The following TRIM29 variants were observed in gnomAD, a reference collection of about 807,000 sequenced individuals.
TRIM29 encodes the protein tripartite motif-containing protein 29.
A neutral mutation model predicts 57.3 loss-of-function variants in TRIM29; 52 were observed. The ratio of observed to expected loss-of-function variants is 0.91; its 90% CI spans 0.73 to 1.14. TRIM29 has a LOEUF of 1.14. Ranked by LOEUF, TRIM29 falls within the 50% of genes most tolerant of loss-of-function variation. TRIM29 has a pLI of 0.00. For missense variants in TRIM29, 753 were observed against 774.6 expected, an observed-to-expected ratio of 0.97 and a Z score of 0.33; for synonymous variants, 319 against 316.9, an observed-to-expected ratio of 1.01 and a Z score of -0.07.
At chr11:120,125,581 G>A in intron 4 of TRIM29, 110 bp downstream of exon 4, 2 of 1,183,698 alleles carry the variant, frequency 1.7e-6, no homozygotes, top group Non-Finnish European at 1.2e-6. Context: ...GTGGGTGGGT[G>A]GGAACAATGA....
chr11:120,132,562 A>C (rs1863741321), intron 1 of TRIM29, among the ~76,000 whole-genome samples: 1 of 152,172 alleles, frequency 6.6e-6, no homozygotes, highest in Non-Finnish European at 1.5e-5. Flanking sequence ...TGGGTGGTGC[A>C]GCAGCTAGCA....
At chr11:120,130,641 G>A (rs1206015418) in intron 1 of TRIM29, among the ~76,000 whole-genome samples, 1 of 152,222 alleles carries the variant, frequency 6.6e-6, no homozygotes, top group African/African-American at 2.4e-5. Context: ...GCTGTGGGAT[G>A]CCCTGGGATT....
At chr11:120,122,370 C>A (rs1347896502) in intron 5 of TRIM29, among the ~76,000 whole-genome samples, 1 of 152,144 alleles carries the variant, frequency 6.6e-6, no homozygotes, top group African/African-American at 2.4e-5. Context: ...GAGAGGCCAC[C>A]ACAGGGCAAG....
In TRIM29 at chr11:120,125,808, C is replaced by T. The variant is rs1172257153; in HGVS notation, c.1216G>A (p.Gly406Arg). Residue 406 changes from glycine to arginine, a missense_variant, in exon 4 of 9, where the codon GGA becomes AGA. Physicochemically the swap from Gly to Arg is moderately radical, Grantham distance 125. Coordinates refer to ENST00000341846, the MANE Select transcript of TRIM29 (RefSeq NM_012101.4). The part of the protein sequence containing the change: ...YHVLLEGEGL[G>R]QSLGNFKDDL... ...TCCTTGAAGTTGCCTAGTGACTGTC[C>T]CAGGCCCTCCCCCTCCAGCAGGACA... The T allele has an allele frequency of 6.2e-7, 1 of 1,614,108 alleles. No individual in the cohort carries two copies. Among genetic ancestry groups the T allele is most frequent in the East Asian group, 2.2e-5 (1 of 44,880 alleles).
Position 120,113,378 on chromosome 11 carries a change from G to A in TRIM29, c.1705-902C>T, listed in dbSNP as rs1014180116. Among the ~76,000 whole-genome samples, 3 of 152,126 alleles carry A rather than the reference G, an allele frequency of 2.0e-5. No individual in the cohort carries two copies. In the East Asian group the frequency reaches 5.8e-4, roughly 29 times the overall value. ...GGAGGCAGCCCTCCAGGATGGAGTG[G>A]AAGAGCACAGCTTAGCTGCTGCTCA... On this transcript the variant is annotated intron_variant, in intron 8 of 8. Transcript: ENST00000341846.
chr11:120,130,424 CA>C (rs1028850235), intron 1 of TRIM29, among the ~76,000 whole-genome samples: 16 of 152,334 alleles, frequency 1.1e-4, no homozygotes, highest in African/African-American at 3.8e-4. Flanking sequence ...CAATCCCTCC[CA>C]CCATAGGCCA....
chr11:120,114,555 G>A (rs565334847), intron 8 of TRIM29, among the ~76,000 whole-genome samples: 2 of 152,330 alleles, frequency 1.3e-5, no homozygotes, highest in Admixed American at 6.5e-5. Flanking sequence ...GGCAGTGGCC[G>A]ACTCCTGTAG....
chr11:120,125,345 C>T, intron 4 of TRIM29: 1 of 310,296 alleles, frequency 3.2e-6, no homozygotes, highest in Non-Finnish European at 6.1e-6. Flanking sequence ...TGGCAGCATC[C>T]ACACAGCTGC....
rs763542100 is a variant in TRIM29, at chr11:120,137,259, A to T, written c.773T>A (p.Val258Glu). Residue 258 changes from valine (V) to glutamate (E), a missense_variant, in exon 1 of 9, where the codon GTG (valine) becomes GAG (glutamate). Val to Glu is a moderately radical substitution (Grantham distance 121). Coordinates refer to ENST00000341846, the MANE Select transcript of TRIM29 (RefSeq NM_012101.4). The surrounding 1 kb of genome is among the most constrained non-coding windows in gnomAD (Gnocchi z 6.2). ...CTCGGCCTTGGCCTCCTCCACTGTC[A>T]CGGTGCTATGATTCTTGTGCTCCTG... ...MFQEHKNHST[V>E]TVEEAKAEKE... 6.2e-7 allele frequency: 1 copy of T among 1,614,036 alleles called. No homozygotes were observed. The highest frequency in any genetic ancestry group is 1.3e-5 in the African/African-American group (1 of 74,924).
At chr11:120,126,876 C>T (rs948980746) in intron 3 of TRIM29, among the ~76,000 whole-genome samples, 9 of 152,340 alleles carry the variant, frequency 5.9e-5, no homozygotes, top group East Asian at 1.9e-4. Context: ...CTTCTCTATT[C>T]GCCACAGCAC....
chr11:120,120,626 C>T lies in TRIM29; in HGVS notation c.1475G>A (p.Arg492His), dbSNP rs746956943. 155 of 1,613,670 alleles carry T rather than the reference C, an allele frequency of 9.6e-5. No homozygotes were observed. The highest frequency in any genetic ancestry group is 1.7e-4 in the Middle Eastern group (1 of 6,040). The change falls in exon 6 of 9, where the codon CGC (arginine) becomes CAC (histidine). Residue 492 changes from arginine (R) to histidine (H), a missense_variant. Physicochemically the swap from Arg to His is conservative, Grantham distance 29. Coordinates refer to ENST00000341846, the MANE Select transcript of TRIM29 (RefSeq NM_012101.4). ...RTSYQPSSPG[R>H]FTKETTQKNF... ...CTTCTGGGTGGTCTCCTTGGTGAAG[C>T]GGCCAGGAGACGAGGGCTGGTATGA... is the stretch of plus-strand genomic sequence containing the variant.
Position 120,137,950 on chromosome 11 carries a change from T to A in TRIM29, c.82A>T (p.Ser28Cys), listed in dbSNP as rs928329872. The change falls in exon 1 of 9, where the codon AGC becomes TGC. Residue 28 changes from serine (S) to cysteine (C), a missense_variant. Transcript: ENST00000341846. The surrounding 1 kb of genome is among the most constrained non-coding windows in gnomAD (Gnocchi z 6.2). ...TCAGCCTTGGTGCCATTCTCCAGGC[T>A]GCCACTGGGGCCCGACGGGCTCCGG... is the stretch of plus-strand genomic sequence containing the variant. ...DARSPSGPSG[S>C]LENGTKADGK... The A allele has an allele frequency of 1.2e-6, 2 of 1,607,778 alleles. No homozygotes were observed. Among genetic ancestry groups the A allele is most frequent in the African/African-American group, 2.7e-5 (2 of 74,958 alleles).
chr11:120,135,622 C>T (rs560007213), intron 1 of TRIM29, among the ~76,000 whole-genome samples: 5 of 152,248 alleles, frequency 3.3e-5, no homozygotes, highest in East Asian at 1.9e-4. Flanking sequence ...CCTGAGGCCA[C>T]GCTGGGGTCA....
At chr11:120,119,638 T>C (rs1242188774) in intron 6 of TRIM29, among the ~76,000 whole-genome samples, 3 of 152,170 alleles carry the variant, frequency 2.0e-5, no homozygotes, top group Non-Finnish European at 4.4e-5. Flanking sequence ...CTACTGCATA[T>C]GTGGAGGAGG....
In TRIM29 at chr11:120,112,093, C is replaced by T; in HGVS notation, c.*321G>A. 2.8e-6 allele frequency: 1 copy of T among 352,336 alleles called. No individual in the cohort carries two copies. The highest frequency in any genetic ancestry group is 2.5e-5 in the South Asian group (1 of 39,948). The allele number at this position is 352,336 out of a possible 1,614,324, so 21.8% of individuals were successfully genotyped here. A position where few individuals can be genotyped will look rare whatever the true frequency, so the allele number is the denominator to read the frequency against. On this transcript the variant is annotated 3_prime_UTR_variant, in exon 9 of 9. Transcript: ENST00000341846. ...CATGCGGGTACTCACTGCTAGCCCC[C>T]AGATCCAGCCCGAGAGGAGGAGGCT...
At chr11:120,121,566 A>G (rs1863445338) in intron 5 of TRIM29, 1 of 156,116 alleles carries the variant, frequency 6.4e-6, no homozygotes, top group Non-Finnish European at 1.4e-5. Context: ...TTCTTCCATC[A>G]CAGACATCAT....
chr11:120,116,092 G>A (rs1349075549), intron 7 of TRIM29: 1 of 152,604 alleles, frequency 6.6e-6, no homozygotes, highest in Non-Finnish European at 1.5e-5. Context: ...CCCCTCCCCT[G>A]TTTCACTAGC....
intron 8 of TRIM29, chr11:120,113,500 C>G (rs769834677): frequency 2.5e-6 from 1 of 393,670 alleles, no homozygotes; most frequent in Non-Finnish European, 5.1e-6. Flanking sequence ...CTGCAGATCC[C>G]AATACAGGAG....
intron 2 of TRIM29, among the ~76,000 whole-genome samples, 175 bp downstream of exon 2, chr11:120,128,225 G>T (rs564154471): frequency 2.0e-5 from 3 of 152,158 alleles, no homozygotes; most frequent in Admixed American, 2.0e-4. Flanking sequence ...CTGAGTGCCT[G>T]GCTCAGACTG....
Sources: allele counts gnomAD v4.1 joint callset (sites outside exome capture counted in the v4.1 genomes callset), GRCh38; gene constraint gnomAD v4.1.1; non-coding constraint Gnocchi (gnomAD v3.1); transcripts MANE v1.5; gene names NCBI Gene and HGNC (gene_info 2026-07-23, HGNC 2026-07-21).